Variants in ZNF831 observed in about 807,000 individuals in gnomAD.
ZNF831 encodes chromosome 20 open reading frame 174.
Under a neutral mutation model 95.8 loss-of-function variants are expected in ZNF831, and 59 were observed. That is an observed-to-expected ratio of 0.62 (90% CI 0.50 to 0.77). The LOEUF is 0.77. ZNF831 is among the 30% of genes least tolerant of loss of function. The pLI is 0.00. For missense variants in ZNF831, 2,205 were observed against 2,164.0 expected (o/e 1.02, Z -0.38); for synonymous variants, 961 against 925.5 (o/e 1.04, Z -0.70).
chr20:59,238,531 C>T (rs936256614), intron 4 of ZNF831, among the ~76,000 whole-genome samples: 7 of 152,186 alleles, frequency 4.6e-5, no homozygotes, highest in Non-Finnish European at 1.0e-4. Flanking sequence ...AGCAGCCAGT[C>T]GCCTAGATTG....
At chr20:59,198,531 T>C (rs1984287512) in intron 3 of ZNF831, among the ~76,000 whole-genome samples, 1 of 152,144 alleles carries the variant, frequency 6.6e-6, no homozygotes, top group Admixed American at 6.5e-5. Flanking sequence ...CCCATAGCAT[T>C]TGAGTTTGCA....
At chr20:59,183,126 G>T (rs190755044) in intron 1 of ZNF831, among the ~76,000 whole-genome samples, 20 of 152,306 alleles carry the variant, frequency 1.3e-4, no homozygotes, top group African/African-American at 4.8e-4. Context: ...TGGCAGCAGT[G>T]GGGGAGTGTT....
chr20:59,168,547 C>A (rs1283668441), intron 1 of ZNF831, among the ~76,000 whole-genome samples: 1 of 128,196 alleles, frequency 7.8e-6, no homozygotes, highest in African/African-American at 3.0e-5. Context: ...TTTTTCATTT[C>A]CTGCTTGCAA....
Position 59,217,009 on chromosome 20 carries a change from T to G in ZNF831, c.4027+9953T>G, listed in dbSNP as rs1202545844. Among the ~76,000 whole-genome samples, 2 of 151,534 alleles carry G rather than the reference T, an allele frequency of 1.3e-5. No homozygotes were observed. The highest frequency in any genetic ancestry group is 4.8e-5 in the African/African-American group (2 of 41,238). On this transcript the variant is annotated intron_variant, in intron 4 of 5. Coordinates refer to ENST00000371030, the MANE Select transcript of ZNF831 (RefSeq NM_178457.3). The surrounding 1 kb of genome is among the most constrained non-coding windows in gnomAD (Gnocchi z 4.4). ...GAGGGGCAAAAAAGTTAATTATTAGTTTTTAATTACACGTGTAATCATGAA... is the reference window on the plus strand; with the variant it reads ...GAGGGGCAAAAAAGTTAATTATTAGGTTTTAATTACACGTGTAATCATGAA...
intron 4 of ZNF831, among the ~76,000 whole-genome samples, chr20:59,246,414 C>A (rs1987612478): frequency 6.6e-6 from 1 of 152,044 alleles, no homozygotes; most frequent in South Asian, 2.1e-4. Flanking sequence ...GGGAAGAGAC[C>A]CACATAGACA....
intron 1 of ZNF831, among the ~76,000 whole-genome samples, chr20:59,165,042 A>G (rs1302716321): frequency 6.6e-6 from 1 of 152,210 alleles, no homozygotes; most frequent in African/African-American, 2.4e-5. Context: ...AAGAGCAAGT[A>G]TTTAGGACCA....
chr20:59,153,090 T>C (rs1980335861), intron 2 of ZNF831, among the ~76,000 whole-genome samples: 1 of 152,220 alleles, frequency 6.6e-6, no homozygotes, highest in East Asian at 1.9e-4. Flanking sequence ...AATCCCACTT[T>C]GCCATCGCCA....
At chr20:59,246,731 A>G (rs550566750) in intron 4 of ZNF831, among the ~76,000 whole-genome samples, 1 of 152,340 alleles carries the variant, frequency 6.6e-6, no homozygotes, top group Admixed American at 6.5e-5. Context: ...AATTACTAAG[A>G]AAAATGGTTG....
chr20:59,164,462 A>C (rs751382347), intron 1 of ZNF831, among the ~76,000 whole-genome samples: 3 of 152,242 alleles, frequency 2.0e-5, no homozygotes, highest in Admixed American at 6.5e-5. Flanking sequence ...ACTAAACAGA[A>C]AAACATTTAT....
At chr20:59,150,053 A>G (rs1231528425) in intron 2 of ZNF831, among the ~76,000 whole-genome samples, 1 of 152,234 alleles carries the variant, frequency 6.6e-6, no homozygotes, top group Middle Eastern at 3.2e-3. Context: ...TGATAAAAAC[A>G]CACATACCCT....
At position 59,257,467 on chromosome 20, in the gene ZNF831, T is replaced by G. The variant is rs259955; in HGVS notation, c.*2724T>G. The G allele has an allele frequency of 3.9e-5, 6 of 152,068 alleles. No individual in the cohort carries two copies. In the East Asian group the frequency reaches 1.2e-3, roughly 29 times the overall value. 9.4% of individuals were successfully genotyped at this position (152,068 alleles called of 1,614,324 possible). On this transcript the variant is annotated 3_prime_UTR_variant, in exon 6 of 6. Coordinates refer to ENST00000371030, the MANE Select transcript of ZNF831 (RefSeq NM_178457.3). Reference sequence around the variant, plus strand: ...GAACAATCTCTGATTTTATAAATCTTAATTTTCCTATGGGTTTTCTTAAAG... The same window carrying G: ...GAACAATCTCTGATTTTATAAATCTGAATTTTCCTATGGGTTTTCTTAAAG...
At chr20:59,153,488 C>T (rs776180140) in intron 2 of ZNF831, among the ~76,000 whole-genome samples, 1 of 152,254 alleles carries the variant, frequency 6.6e-6, no homozygotes, top group Non-Finnish European at 1.5e-5. Context: ...AGTGCCAAGG[C>T]ACACAGGGCC....
chr20:59,170,239 G>A (rs1981619611), intron 1 of ZNF831, among the ~76,000 whole-genome samples: 1 of 152,090 alleles, frequency 6.6e-6, no homozygotes, highest in Admixed American at 6.6e-5. Context: ...ATCACACTGT[G>A]GGAAATGCTC....
At chr20:59,171,258 C>T (rs1484512660) in intron 1 of ZNF831, among the ~76,000 whole-genome samples, 1 of 152,232 alleles carries the variant, frequency 6.6e-6, no homozygotes, top group African/African-American at 2.4e-5. Context: ...GACCCTCCAA[C>T]ATCCTCTGTT....
Position 59,194,335 on chromosome 20 carries a change from C to G in ZNF831, c.3316C>G (p.Pro1106Ala), listed in dbSNP as rs2146597730. 1 of 1,613,370 alleles carries G rather than the reference C, an allele frequency of 6.2e-7. No homozygotes were observed. The highest frequency in any genetic ancestry group is 2.2e-5 in the East Asian group (1 of 44,864). ...GGTACCCAACTGGGAGCTGGGGGAG[C>G]CTCCTGGGAATGCCCCAGAAGATCC... ...PWVPNWELGE[P>A]PGNAPEDPSS... Residue 1106 changes from proline (P) to alanine (A), a missense_variant, in exon 2 of 6, where the codon CCT becomes GCT. By Grantham distance (27) the Pro-to-Ala change is conservative (BLOSUM62 -1). Coordinates refer to ENST00000371030, the MANE Select transcript of ZNF831 (RefSeq NM_178457.3).
intron 1 of ZNF831, among the ~76,000 whole-genome samples, chr20:59,126,211 G>C (rs1979166152): frequency 1.3e-5 from 2 of 152,266 alleles, no homozygotes; most frequent in East Asian, 3.9e-4. Flanking sequence ...CTTTGCTCTT[G>C]AACAGCCCCC....
At chr20:59,235,973 A>T (rs911018041) in intron 4 of ZNF831, among the ~76,000 whole-genome samples, 2 of 152,252 alleles carry the variant, frequency 1.3e-5, no homozygotes, top group African/African-American at 4.8e-5. Context: ...TTTTTAAGAT[A>T]GAATTTTTGA....
At chr20:59,166,257 C>T (rs953080904) in intron 1 of ZNF831, among the ~76,000 whole-genome samples, 6 of 152,126 alleles carry the variant, frequency 3.9e-5, no homozygotes, top group Admixed American at 1.3e-4. Context: ...TGGCTAGGGT[C>T]GGTTCTAGAT....
At chr20:59,162,487 C>G (rs183174803), upstream of ZNF831, among the ~76,000 whole-genome samples, 2 of 152,302 alleles carry the variant, frequency 1.3e-5, no homozygotes, top group East Asian at 3.9e-4. Context: ...ACTAATCACT[C>G]TATTCAACAT....
Sources: gnomAD v4.1 joint callset for allele counts (sites outside exome capture counted in the v4.1 genomes callset) on GRCh38, gnomAD v4.1.1 for gene constraint, Gnocchi (gnomAD v3.1) non-coding constraint, MANE v1.5 for transcripts, NCBI Gene and HGNC (gene_info 2026-07-23, HGNC 2026-07-21) for gene names.